The following AMELX variants were observed in gnomAD, a reference collection of about 807,000 sequenced individuals.
The protein encoded by AMELX is amelogenin X-linked.
AMELX carries 9 observed loss-of-function variants against 15.8 expected under a neutral mutation model. The ratio of observed to expected loss-of-function variants is 0.57; its 90% CI spans 0.34 to 0.99. The LOEUF is 0.99. Among genes scored for constraint, AMELX ranks in the 50% least tolerant of loss-of-function variants. The pLI is 0.02. For missense variants in AMELX, 107 were observed against 156.2 expected (o/e 0.68, Z 1.68); for synonymous variants, 61 against 58.8 (o/e 1.04, Z -0.17).
At chrX:11,300,035 G>A (rs1306583424) in intron 5 of AMELX, among the ~76,000 whole-genome samples, 1 of 111,975 alleles carries the variant, frequency 8.9e-6, no homozygotes, top group Non-Finnish European at 1.9e-5. Context: ...AAAATATGGG[G>A]CAGAATTTTT....
chrX:11,303,458 C>G (rs759621010), downstream of AMELX, among the ~76,000 whole-genome samples: 25 of 111,633 alleles, frequency 2.2e-4, no homozygotes, highest in African/African-American at 7.5e-4. Context: ...CATTTGGGTT[C>G]GAAACATTTA....
downstream of AMELX, chrX:11,300,808 G>T: frequency 4.8e-6 from 2 of 418,951 alleles, no homozygotes; most frequent in Non-Finnish European, 8.5e-6. Context: ...TATCATTTGA[G>T]ATGATATATT....
At chrX:11,293,854 AC>A (rs1369390572) in intron 1 of AMELX, among the ~76,000 whole-genome samples, 1 of 112,478 alleles carries the variant, frequency 8.9e-6, no homozygotes, top group Non-Finnish European at 1.9e-5. Context: ...AAACAAACAA[AC>A]AAAAAACAAA....
At chrX:11,303,230 G>C (rs1474018392), downstream of AMELX, among the ~76,000 whole-genome samples, 1 of 112,512 alleles carries the variant, frequency 8.9e-6, no homozygotes, top group Non-Finnish European at 1.9e-5. Flanking sequence ...ACTTATTTTT[G>C]TGATTTGGCT....
downstream of AMELX, among the ~76,000 whole-genome samples, chrX:11,303,151 T>C (rs369771130): frequency 2.5e-4 from 28 of 112,819 alleles, no homozygotes; most frequent in African/African-American, 8.7e-4. Flanking sequence ...TTAGTAGTAC[T>C]CCACATTGCT....
chrX:11,307,879 T>C, the AMELX span, among the ~76,000 whole-genome samples: 1 of 112,181 alleles, frequency 8.9e-6, no homozygotes, highest in Non-Finnish European at 1.9e-5. Context: ...ATAGTTGCTA[T>C]TACTGTAAAT....
chrX:11,300,052 T>C (rs2048150181), intron 5 of AMELX, among the ~76,000 whole-genome samples: 1 of 112,028 alleles, frequency 8.9e-6, no homozygotes, highest in Non-Finnish European at 1.9e-5. Flanking sequence ...TTTTTGAAAA[T>C]TGATTGAATC....
At chrX:11,309,466 CCT>C in the AMELX span, among the ~76,000 whole-genome samples, 1 of 110,815 alleles carries the variant, frequency 9.0e-6, no homozygotes, top group Non-Finnish European at 1.9e-5. Context: ...TCACTGTGAT[CCT>C]CTGAGTCAGA....
intron 2 of AMELX, 140 bp downstream of exon 2, chrX:11,294,982 T>A (rs1219300926): frequency 5.8e-6 from 4 of 692,154 alleles, no homozygotes; most frequent in African/African-American, 2.2e-5. Context: ...GAAGAAACAC[T>A]TCAGGAGCTT....
At chrX:11,296,148 AC>A (rs1454885637) in intron 2 of AMELX, among the ~76,000 whole-genome samples, 1 of 112,190 alleles carries the variant, frequency 8.9e-6, no homozygotes, top group Non-Finnish European at 1.9e-5. Context: ...ACTTTGCTCC[AC>A]CCATCTTGTT....
At chrX:11,302,021 T>C (rs185967069), downstream of AMELX, among the ~76,000 whole-genome samples, 4 of 112,402 alleles carry the variant, frequency 3.6e-5, no homozygotes, top group East Asian at 1.1e-3. Flanking sequence ...CAGAGGAATG[T>C]TTCAAACCAG....
downstream of AMELX, among the ~76,000 whole-genome samples, chrX:11,302,899 C>T (rs1284591124): frequency 1.8e-5 from 2 of 111,835 alleles, no homozygotes; most frequent in African/African-American, 6.5e-5. Context: ...CTCAACTCCA[C>T]ACAAAATAAA....
At chrX:11,309,363 AG>A in the AMELX span, among the ~76,000 whole-genome samples, 1 of 110,424 alleles carries the variant, frequency 9.1e-6, no homozygotes, top group Non-Finnish European at 1.9e-5. Flanking sequence ...GGAGGCAGGG[AG>A]GGACACTGCT....
At chrX:11,307,788 G>A in the AMELX span, among the ~76,000 whole-genome samples, 8 of 111,210 alleles carry the variant, frequency 7.2e-5, no homozygotes, top group Non-Finnish European at 3.8e-5. Flanking sequence ...TTTTTTCCCC[G>A]TTCTGGTAGT....
At chrX:11,308,710 T>G in the AMELX span, among the ~76,000 whole-genome samples, 1 of 112,023 alleles carries the variant, frequency 8.9e-6, no homozygotes, top group Non-Finnish European at 1.9e-5. Context: ...ACTCTGAACT[T>G]CAGTTTCCTT....
chrX:11,301,871 T>A (rs2048178658), downstream of AMELX, among the ~76,000 whole-genome samples: 1 of 111,858 alleles, frequency 8.9e-6, no homozygotes, highest in Non-Finnish European at 1.9e-5. Context: ...GTCAAAACAC[T>A]CTGGCAAATA....
the AMELX span, among the ~76,000 whole-genome samples, chrX:11,306,799 C>T: frequency 3.6e-5 from 4 of 112,018 alleles, no homozygotes; most frequent in African/African-American, 6.5e-5. Flanking sequence ...TTTTTCCTGC[C>T]CATTTGTCCT....
downstream of AMELX, among the ~76,000 whole-genome samples, chrX:11,301,996 C>T (rs917854312): frequency 2.7e-5 from 3 of 112,029 alleles, no homozygotes; most frequent in Non-Finnish European, 3.8e-5. Flanking sequence ...AATTCAGATA[C>T]GTAGTGTGAT....
chrX:11,298,999 A>T, intron 5 of AMELX, 26 bp downstream of exon 5: 1 of 1,202,452 alleles, frequency 8.3e-7, no homozygotes. Flanking sequence ...AGCCACTACA[A>T]TGCAAATCCT....
Sources: allele counts gnomAD v4.1 joint callset (sites outside exome capture counted in the v4.1 genomes callset), GRCh38; gene constraint gnomAD v4.1.1; transcripts MANE v1.5; gene names NCBI Gene and HGNC (gene_info 2026-07-23, HGNC 2026-07-21).